PPAT: variants seen among roughly 807,000 people sequenced by gnomAD.
PPAT encodes amidophosphoribosyltransferase.
PPAT carries 20 observed loss-of-function variants against 60.2 expected under a neutral mutation model. The observed-to-expected ratio is 0.33, with a 90% CI of 0.23 to 0.48. The LOEUF (loss-of-function observed/expected upper bound fraction) is 0.48, where lower values mean the gene tolerates loss of function less well. PPAT is among the 20% of genes least tolerant of loss of function. The probability of loss-of-function intolerance (pLI) is 0.99; values close to 1 mark genes in which losing one functional copy is unlikely to be tolerated. For missense variants in PPAT, 349 were observed against 629.6 expected, an observed-to-expected ratio of 0.55 and a Z score of 4.77; for synonymous variants, 194 against 215.1, an observed-to-expected ratio of 0.90 and a Z score of 0.86.
At chr4:56,433,633 C>T (rs1717723831) in intron 1 of PPAT, among the ~76,000 whole-genome samples, 1 of 151,980 alleles carries the variant, frequency 6.6e-6, no homozygotes, top group Non-Finnish European at 1.5e-5. Flanking sequence ...CTACAGACCA[C>T]CAGGCAACCC....
At chr4:56,425,287 A>G (rs1323268147) in intron 1 of PPAT, 1 of 162,124 alleles carries the variant, frequency 6.2e-6, no homozygotes, top group Non-Finnish European at 1.3e-5. Context: ...AATTTGTATA[A>G]TCTTAGCAGT....
At position 56,418,310 on chromosome 4, in the gene PPAT, C is replaced by T. The variant is rs372497294; in HGVS notation, c.129-10594G>A. ...GAAAATTACTTTCTTTTTTAAAAAA[C>T]TTATTTTATTTTATTTTATCTTATT... is the stretch of plus-strand genomic sequence containing the variant. On this transcript the variant is annotated intron_variant, in intron 1 of 10. Transcript: ENST00000264220. 8.5e-5 allele frequency among the ~76,000 whole-genome samples: 13 copies of T among 152,052 alleles called. No individual in the cohort carries two copies. In the East Asian group the frequency reaches 2.1e-3, roughly 25 times the overall value.
intron 1 of PPAT, among the ~76,000 whole-genome samples, chr4:56,433,733 C>A (rs1196844303): frequency 6.7e-6 from 1 of 149,414 alleles, no homozygotes; most frequent in Non-Finnish European, 1.5e-5. Context: ...CTCGCTCTGT[C>A]GCCCAGGCTG....
intron 1 of PPAT, among the ~76,000 whole-genome samples, chr4:56,418,220 T>C (rs1716870322): frequency 6.6e-6 from 1 of 152,196 alleles, no homozygotes; most frequent in African/African-American, 2.4e-5. Flanking sequence ...GGAGGTTCAC[T>C]TGAACCTGGG....
At chr4:56,412,481 T>C (rs972032708) in intron 1 of PPAT, among the ~76,000 whole-genome samples, 4 of 152,120 alleles carry the variant, frequency 2.6e-5, no homozygotes, top group Admixed American at 6.5e-5. Context: ...GGCTAATTTT[T>C]TGTGGGATGG....
intron 5 of PPAT, among the ~76,000 whole-genome samples, 189 bp downstream of exon 5, chr4:56,402,851 G>C (rs1242657482): frequency 4.3e-5 from 5 of 116,042 alleles, no homozygotes; most frequent in African/African-American, 1.1e-4. Flanking sequence ...AAAAAAAAGG[G>C]GGGGGACTCA....
At chr4:56,416,801 A>AGGATAATTTG (rs1440405014) in intron 1 of PPAT, among the ~76,000 whole-genome samples, 1 of 152,214 alleles carries the variant, frequency 6.6e-6, no homozygotes, top group Non-Finnish European at 1.5e-5. Flanking sequence ...AACCAGGTCA[A>AGGATAATTTG]GGATAATTTG....
chr4:56,418,330 CTTATT>C (rs1716876491), intron 1 of PPAT, among the ~76,000 whole-genome samples: 1 of 151,808 alleles, frequency 6.6e-6, no homozygotes, highest in African/African-American at 2.4e-5. Context: ...TTTATTTTAT[CTTATT>C]TTGAGACAGG....
In PPAT at chr4:56,396,882, G is replaced by GT; in HGVS notation, c.1237-144_1237-143insA. ...TATTCTTTCTACAAAGCTGCTTCTT[G>GT]GTTTTTTTTTTCTTTCACCTAATCA... On this transcript the variant is annotated intron_variant, in intron 9 of 10. Coordinates refer to ENST00000264220, the MANE Select transcript of PPAT (RefSeq NM_002703.5). The surrounding 1 kb of genome is among the most constrained non-coding windows in gnomAD (Gnocchi z 4.6). 2 of 788,892 alleles carry GT rather than the reference G, an allele frequency of 2.5e-6. No homozygotes were observed. Among genetic ancestry groups the GT allele is most frequent in the Middle Eastern group, 4.0e-4 (1 of 2,524 alleles). The allele number at this position is 788,892 out of a possible 1,614,324, so 48.9% of individuals were successfully genotyped here.
chr4:56,398,779 T>A (rs775584170), intron 9 of PPAT, among the ~76,000 whole-genome samples: 20 of 152,134 alleles, frequency 1.3e-4, no homozygotes, highest in Non-Finnish European at 2.9e-5. Context: ...TTGAATAAAT[T>A]TTGTAAAAAT....
In PPAT at chr4:56,435,598, AG is replaced by A; in HGVS notation, c.-122del. Reference sequence around the variant, plus strand: ...GCTCGCGACAGGCTCTTCCTTCCCGAGGGTGGCCCCAGCTACTGCGGCGGCG... The same window carrying A: ...GCTCGCGACAGGCTCTTCCTTCCCGAGGTGGCCCCAGCTACTGCGGCGGCG... On this transcript the variant is annotated 5_prime_UTR_variant, in exon 1 of 11. Coordinates refer to ENST00000264220, the MANE Select transcript of PPAT (RefSeq NM_002703.5). The A allele has an allele frequency of 6.5e-7, 1 of 1,546,322 alleles. No individual in the cohort carries two copies. The highest frequency in any genetic ancestry group is 1.4e-5 in the African/African-American group (1 of 73,690).
At chr4:56,434,053 T>G (rs1391895661) in intron 1 of PPAT, among the ~76,000 whole-genome samples, 1 of 152,204 alleles carries the variant, frequency 6.6e-6, no homozygotes, top group Non-Finnish European at 1.5e-5. Context: ...AGAGTTTACT[T>G]TCTCCTTGGA....
intron 1 of PPAT, among the ~76,000 whole-genome samples, chr4:56,413,998 T>C (rs1716597546): frequency 6.6e-6 from 1 of 152,216 alleles, no homozygotes; most frequent in African/African-American, 2.4e-5. Flanking sequence ...TGCATTTGTT[T>C]AATTACCAGT....
At chr4:56,428,362 A>C (rs555048037) in intron 1 of PPAT, among the ~76,000 whole-genome samples, 1 of 152,228 alleles carries the variant, frequency 6.6e-6, no homozygotes, top group Admixed American at 6.5e-5. Flanking sequence ...TGATGAAAAA[A>C]TTAAGCGAAT....
intron 1 of PPAT, among the ~76,000 whole-genome samples, chr4:56,409,626 T>G (rs561223164): frequency 1.3e-5 from 2 of 152,236 alleles, no homozygotes; most frequent in African/African-American, 4.8e-5. Flanking sequence ...AGAGCATCCA[T>G]ACCACTGTGC....
In PPAT at chr4:56,396,696, A is replaced by G. The variant is rs1715975154; in HGVS notation, c.1280T>C (p.Phe427Ser). The G allele has an allele frequency of 1.2e-6, 2 of 1,610,948 alleles. No homozygotes were observed. The highest frequency in any genetic ancestry group is 2.7e-5 in the African/African-American group (2 of 74,822). Residue 427 changes from phenylalanine (F) to serine (S), a missense_variant, in exon 10 of 11, where the codon TTC becomes TCC. Coordinates refer to ENST00000264220, the MANE Select transcript of PPAT (RefSeq NM_002703.5). This position sits in a 1 kb window ranked among gnomAD's most constrained non-coding sequence, Gnocchi z 4.6. ...VASPPIKYPC[F>S]MGINIPTKEE... ...TTTTGTAGGAATGTTTATTCCCATG[A>G]AGCATGGATATTTAATTGGTGGTGA...
chr4:56,405,832 T>A (rs1716227962), intron 3 of PPAT, among the ~76,000 whole-genome samples: 1 of 152,236 alleles, frequency 6.6e-6, no homozygotes, highest in Non-Finnish European at 1.5e-5. Context: ...TTTGTGATGT[T>A]TGAAACCAAA....
rs571943345 is a variant in PPAT, at chr4:56,402,919, T to C, written c.661+121A>G. On this transcript the variant is annotated intron_variant, in intron 5 of 10. Transcript: ENST00000264220. Reference sequence around the variant, plus strand: ...AAAGGAAGAATACATTTATTTTTATTTTTCTTACCTAGCTCCCTCCCACCC... The same window carrying C: ...AAAGGAAGAATACATTTATTTTTATCTTTCTTACCTAGCTCCCTCCCACCC... The C allele has an allele frequency of 1.6e-4, 131 of 836,658 alleles. 1 individual carries two copies. In the South Asian group the frequency reaches 3.3e-3, roughly 21 times the overall value. 51.8% of individuals were successfully genotyped at this position (836,658 alleles called of 1,614,324 possible). A position where few individuals can be genotyped will look rare whatever the true frequency, so the allele number is the denominator to read the frequency against.
At chr4:56,397,097 G>GT (rs910606155) in intron 9 of PPAT, among the ~76,000 whole-genome samples, 77 of 151,392 alleles carry the variant, frequency 5.1e-4, no homozygotes, top group East Asian at 2.3e-3. Context: ...GTCTGTTATT[G>GT]TTTTTTTTGC....
Sources: gnomAD v4.1 joint callset for allele counts (sites outside exome capture counted in the v4.1 genomes callset) on GRCh38, gnomAD v4.1.1 for gene constraint, Gnocchi (gnomAD v3.1) non-coding constraint, MANE v1.5 for transcripts, NCBI Gene and HGNC (gene_info 2026-07-23, HGNC 2026-07-21) for gene names.